TEC: variants seen among roughly 807,000 people sequenced by gnomAD.
TEC encodes the protein tyrosine-protein kinase Tec.
Under a neutral mutation model 93.0 loss-of-function variants are expected in TEC, and 72 were observed. The observed-to-expected ratio is 0.77, with a 90% CI of 0.64 to 0.94. The LOEUF is 0.94. TEC is among the 40% of genes least tolerant of loss of function. The pLI, the probability that TEC is intolerant of heterozygous loss-of-function variation, is 0.00. For synonymous variants in TEC, 249 were observed against 247.7 expected, an observed-to-expected ratio of 1.01 and a Z score of -0.05; for missense variants, 630 against 757.9, an observed-to-expected ratio of 0.83 and a Z score of 1.98.
chr4:48,187,434 TA>T (rs59244907), intron 2 of TEC, among the ~76,000 whole-genome samples: 74,311 of 134,148 alleles, frequency 0.55, 19,729 homozygotes, highest in Admixed American at 0.64. Flanking sequence ...CAATAAATAC[TA>T]AAAAAAAAAA....
intron 3 of TEC, among the ~76,000 whole-genome samples, chr4:48,172,156 G>T (rs4695343): frequency 6.6e-6 from 1 of 151,996 alleles, no homozygotes; most frequent in African/African-American, 2.4e-5. Flanking sequence ...AGTCCTTGGT[G>T]GGCAATTAGA....
At chr4:48,152,274 C>G (rs1291572121) in intron 9 of TEC, among the ~76,000 whole-genome samples, 1 of 151,784 alleles carries the variant, frequency 6.6e-6, no homozygotes, top group Admixed American at 6.6e-5. Flanking sequence ...AAAAATACCC[C>G]ATCTTTACTA....
intron 8 of TEC, among the ~76,000 whole-genome samples, chr4:48,159,633 G>T (rs1018646943): frequency 2.0e-5 from 3 of 149,046 alleles, no homozygotes; most frequent in African/African-American, 2.5e-5. Flanking sequence ...TTGGCAACCT[G>T]CCCCTCCTGG....
At chr4:48,191,375 A>G (rs1249541693) in intron 2 of TEC, among the ~76,000 whole-genome samples, 1 of 152,194 alleles carries the variant, frequency 6.6e-6, no homozygotes, top group Non-Finnish European at 1.5e-5. Context: ...TTTCTTATAC[A>G]GTTCAATAAA....
intron 2 of TEC, among the ~76,000 whole-genome samples, chr4:48,189,970 C>T (rs533843665): frequency 6.6e-6 from 1 of 152,214 alleles, no homozygotes; most frequent in South Asian, 2.1e-4. Flanking sequence ...ACAACAGTCC[C>T]TGGCCATATC....
intron 2 of TEC, among the ~76,000 whole-genome samples, chr4:48,204,241 C>T (rs940069194): frequency 1.3e-5 from 2 of 152,200 alleles, no homozygotes; most frequent in Non-Finnish European, 2.9e-5. Context: ...ATGCTGAACA[C>T]CTGCTTGCCT....
At chr4:48,187,327 A>T (rs938953090) in intron 2 of TEC, among the ~76,000 whole-genome samples, 6 of 152,092 alleles carry the variant, frequency 3.9e-5, no homozygotes, top group Admixed American at 1.3e-4. Context: ...TAGGAAAACC[A>T]GAGACCCTTG....
At position 48,163,545 on chromosome 4, in the gene TEC, T is replaced by C. The variant is rs186840769; in HGVS notation, c.737+157A>G. Among the ~76,000 whole-genome samples, 196 of 152,326 alleles carry C rather than the reference T, an allele frequency of 1.3e-3. 1 individual carries two copies. The highest frequency in any genetic ancestry group is 4.5e-3 in the African/African-American group (187 of 41,572). On this transcript the variant is annotated intron_variant, in intron 8 of 17. Coordinates refer to ENST00000381501, the MANE Select transcript of TEC (RefSeq NM_003215.3). The stretch of plus-strand genomic sequence containing the variant: ...AAAAATATATTATAGAGATTAATTC[T>C]CAGTCTTTTACCACATCAGGCAATT...
chr4:48,170,604 A>G (rs1388487419), intron 4 of TEC, among the ~76,000 whole-genome samples: 1 of 152,210 alleles, frequency 6.6e-6, no homozygotes. Flanking sequence ...TGCTACACCA[A>G]TGATGGATAA....
rs2704411 is a variant in TEC, at chr4:48,238,755, G to T, written c.-45-10096C>A. On this transcript the variant is annotated intron_variant, in intron 1 of 17. Coordinates refer to ENST00000381501, the MANE Select transcript of TEC (RefSeq NM_003215.3). ...ATTTCCCAGCCTTCTTTGCAGTAAA[G>T]TGTGGCCATCTGACTAAGTTAAGAC... 5.0e-4 allele frequency among the ~76,000 whole-genome samples: 75 copies of T among 150,872 alleles called. 1 individual carries two copies. The South Asian group carries it at 0.015, about 31-fold the overall frequency.
At chr4:48,209,300 G>A (rs1258340243) in intron 2 of TEC, among the ~76,000 whole-genome samples, 2 of 152,070 alleles carry the variant, frequency 1.3e-5, no homozygotes, top group African/African-American at 2.4e-5. Context: ...ACAGTCAGAC[G>A]TAGCAGAGTA....
At chr4:48,250,392 C>G (rs1724169191) in intron 1 of TEC, among the ~76,000 whole-genome samples, 1 of 152,134 alleles carries the variant, frequency 6.6e-6, no homozygotes, top group African/African-American at 2.4e-5. Flanking sequence ...AATAATGGCC[C>G]CAATTTTTCA....
chr4:48,215,378 G>A (rs574642904), intron 2 of TEC, among the ~76,000 whole-genome samples: 18 of 151,362 alleles, frequency 1.2e-4, no homozygotes, highest in Non-Finnish European at 2.2e-4. Context: ...GTGGTGGCAC[G>A]CATCTATAAT....
chr4:48,191,051 A>T (rs1313680622), intron 2 of TEC, among the ~76,000 whole-genome samples: 1 of 152,266 alleles, frequency 6.6e-6, no homozygotes, highest in African/African-American at 2.4e-5. Flanking sequence ...TTCAGTGACC[A>T]GCAAGCTGTG....
At chr4:48,138,573 C>T (rs901379289) in intron 17 of TEC, 92 bp downstream of exon 17, 1 of 1,415,182 alleles carries the variant, frequency 7.1e-7, no homozygotes, top group African/African-American at 1.4e-5. Context: ...TAAAGATGCA[C>T]CACCTCACTA....
chr4:48,164,552 T>TAC (rs3062061), intron 7 of TEC, among the ~76,000 whole-genome samples: 11,962 of 151,116 alleles, frequency 0.079, 1,123 homozygotes, highest in East Asian at 0.22. Flanking sequence ...GAACTCATAA[T>TAC]ACACACACAC....
intron 2 of TEC, among the ~76,000 whole-genome samples, chr4:48,188,535 C>T (rs1283304897): frequency 6.6e-6 from 1 of 152,092 alleles, no homozygotes; most frequent in East Asian, 1.9e-4. Flanking sequence ...ATTCCAATAC[C>T]TCTCAAAAGT....
chr4:48,187,829 G>A (rs1209107162), intron 2 of TEC, among the ~76,000 whole-genome samples: 1 of 152,216 alleles, frequency 6.6e-6, no homozygotes, highest in Non-Finnish European at 1.5e-5. Flanking sequence ...TACTGCCTAA[G>A]TTTCATGTAA....
chr4:48,136,829 T>C lies in TEC; in HGVS notation c.*587A>G, dbSNP rs1719444269. 1 of 151,792 alleles carries C rather than the reference T, an allele frequency of 6.6e-6. No homozygotes were observed. The highest frequency in any genetic ancestry group is 6.6e-5 in the Admixed American group (1 of 15,242). 9.4% of individuals were successfully genotyped at this position (151,792 alleles called of 1,614,324 possible). A position where few individuals can be genotyped will look rare whatever the true frequency, so the allele number is the denominator to read the frequency against. ...TTTCTCATAAATATATAACTTTATA[T>C]ATTATATATATTTACAATATATACA... is the stretch of plus-strand genomic sequence containing the variant. On this transcript the variant is annotated 3_prime_UTR_variant, in exon 18 of 18. Coordinates refer to ENST00000381501, the MANE Select transcript of TEC (RefSeq NM_003215.3).
Sources: gnomAD v4.1 joint callset for allele counts (sites outside exome capture counted in the v4.1 genomes callset) on GRCh38, gnomAD v4.1.1 for gene constraint, MANE v1.5 for transcripts, NCBI Gene and HGNC (gene_info 2026-07-23, HGNC 2026-07-21) for gene names.